The following EXOC4 variants were observed in gnomAD, a reference collection of about 807,000 sequenced individuals.
EXOC4 encodes SEC8-like 1.
In EXOC4, 71 loss-of-function variants were observed where a neutral mutation model predicts 107.2. That is an observed-to-expected ratio of 0.66 (90% CI 0.55 to 0.81). EXOC4 has a LOEUF of 0.81. Among genes scored for constraint, EXOC4 ranks in the 30% least tolerant of loss-of-function variants. The pLI is 0.00. For synonymous variants in EXOC4, 456 were observed against 441.2 expected, an observed-to-expected ratio of 1.03 and a Z score of -0.42; for missense variants, 1,108 against 1,189.6, an observed-to-expected ratio of 0.93 and a Z score of 1.01.
chr7:133,807,057 G>A (rs1797093606), intron 10 of EXOC4, among the ~76,000 whole-genome samples: 1 of 152,132 alleles, frequency 6.6e-6, no homozygotes, highest in African/African-American at 2.4e-5. Flanking sequence ...AGCATTCACA[G>A]CATGTGAAAT....
Position 134,065,461 on chromosome 7 carries a change from C to T in EXOC4, c.*933C>T, listed in dbSNP as rs1339101782. 1 of 152,260 alleles carries T rather than the reference C, an allele frequency of 6.6e-6. No individual in the cohort carries two copies. The highest frequency in any genetic ancestry group is 1.5e-5 in the Non-Finnish European group (1 of 68,114). The allele number at this position is 152,260 out of a possible 1,614,324, so 9.4% of individuals were successfully genotyped here. ...CTGTGCGGCCTCCAGCTGAGCCTGT[C>T]TCTGAATTGTTCCCTCCCCCGCAAT... On this transcript the variant is annotated 3_prime_UTR_variant, in exon 18 of 18. Coordinates refer to ENST00000253861, the MANE Select transcript of EXOC4 (RefSeq NM_021807.4).
At chr7:133,527,923 A>G (rs548116651) in intron 9 of EXOC4, among the ~76,000 whole-genome samples, 1 of 152,334 alleles carries the variant, frequency 6.6e-6, no homozygotes, top group South Asian at 2.1e-4. Flanking sequence ...ACTTGATCAG[A>G]CATCTTTGAA....
At position 133,275,107 on chromosome 7, in the gene EXOC4, C is replaced by T; in HGVS notation, c.212C>T (p.Thr71Ile). 6 of 1,613,658 alleles carry T rather than the reference C, an allele frequency of 3.7e-6. No individual in the cohort carries two copies. Among genetic ancestry groups the T allele is most frequent in the Non-Finnish European group, 5.1e-6 (6 of 1,179,698 alleles). The change falls in exon 2 of 18, where the codon ACA becomes ATA. Residue 71 changes from threonine (T) to isoleucine (I), a missense_variant. Physicochemically the swap from Thr to Ile is moderately conservative, Grantham distance 89. Coordinates refer to ENST00000253861, the MANE Select transcript of EXOC4 (RefSeq NM_021807.4). ...GTACAGCACTACACAGAATTGACGACAGCCATTCGCACATACCAGAGCATC... is the reference window on the plus strand; with the variant it reads ...GTACAGCACTACACAGAATTGACGATAGCCATTCGCACATACCAGAGCATC... ...LIVQHYTELT[T>I]AIRTYQSITE...
At chr7:133,606,404 A>G in intron 9 of EXOC4, among the ~76,000 whole-genome samples, 1 of 152,044 alleles carries the variant, frequency 6.6e-6, no homozygotes, top group East Asian at 1.9e-4. Context: ...TATATCCTGA[A>G]TATCTTCACT....
intron 10 of EXOC4, among the ~76,000 whole-genome samples, chr7:133,760,899 A>G (rs1189460481): frequency 6.6e-6 from 1 of 152,190 alleles, no homozygotes; most frequent in African/African-American, 2.4e-5. Flanking sequence ...ACAACATTCT[A>G]AGCAAATAAA....
chr7:133,967,466 G>C (rs1801098121), intron 14 of EXOC4, among the ~76,000 whole-genome samples: 2 of 152,168 alleles, frequency 1.3e-5, no homozygotes. Context: ...TGGACATGTA[G>C]TGCTACAAAT....
intron 11 of EXOC4, among the ~76,000 whole-genome samples, chr7:133,875,959 CA>C (rs2116418942): frequency 6.6e-6 from 1 of 152,238 alleles, no homozygotes; most frequent in South Asian, 2.1e-4. Context: ...GAGTTTCAGT[CA>C]TAACAGTATA....
At chr7:133,286,050 T>C (rs997720301) in intron 2 of EXOC4, among the ~76,000 whole-genome samples, 4 of 152,194 alleles carry the variant, frequency 2.6e-5, no homozygotes, top group Non-Finnish European at 4.4e-5. Context: ...GACACTGCAC[T>C]GAGCAGGCAG....
intron 13 of EXOC4, among the ~76,000 whole-genome samples, chr7:133,929,911 T>C (rs923358139): frequency 1.3e-5 from 2 of 152,108 alleles, no homozygotes; most frequent in Admixed American, 6.5e-5. Context: ...CCTCCTTGCT[T>C]TTGCCTGAGG....
intron 10 of EXOC4, among the ~76,000 whole-genome samples, chr7:133,684,061 T>C (rs1794242833): frequency 6.6e-6 from 1 of 152,196 alleles, no homozygotes; most frequent in Non-Finnish European, 1.5e-5. Context: ...TATTTATTGT[T>C]CTGCCATAGC....
chr7:133,736,607 A>G (rs373346566), intron 10 of EXOC4, among the ~76,000 whole-genome samples: 2 of 152,180 alleles, frequency 1.3e-5, no homozygotes, highest in East Asian at 1.9e-4. Context: ...AACATTCCCT[A>G]TGCCCATAAA....
At chr7:133,304,741 A>G (rs1272625514) in intron 3 of EXOC4, among the ~76,000 whole-genome samples, 1 of 152,196 alleles carries the variant, frequency 6.6e-6, no homozygotes, top group African/African-American at 2.4e-5. Context: ...TTTAGTGTAA[A>G]TGGTTCATTC....
intron 10 of EXOC4, among the ~76,000 whole-genome samples, chr7:133,737,658 G>A (rs1585113027): frequency 2.0e-5 from 3 of 152,012 alleles, no homozygotes; most frequent in Admixed American, 6.6e-5. Context: ...GACATCCTGC[G>A]ACCTTTGTGT....
intron 9 of EXOC4, among the ~76,000 whole-genome samples, chr7:133,564,639 G>A (rs1393410822): frequency 6.6e-6 from 1 of 152,114 alleles, no homozygotes; most frequent in Non-Finnish European, 1.5e-5. Context: ...ACCTCTTTTA[G>A]TGATCAATTT....
At chr7:133,455,518 G>A (rs1028987823) in intron 7 of EXOC4, among the ~76,000 whole-genome samples, 10 of 152,164 alleles carry the variant, frequency 6.6e-5, no homozygotes, top group African/African-American at 1.9e-4. Context: ...AAATGTCATG[G>A]TTGATATATG....
intron 9 of EXOC4, among the ~76,000 whole-genome samples, chr7:133,575,842 T>A (rs543375723): frequency 6.6e-6 from 1 of 152,300 alleles, no homozygotes; most frequent in East Asian, 1.9e-4. Flanking sequence ...CTTGGTCCCA[T>A]AAGGCCAGTC....
chr7:133,571,557 G>C (rs1801024121), intron 9 of EXOC4, among the ~76,000 whole-genome samples: 1 of 151,806 alleles, frequency 6.6e-6, no homozygotes, highest in Non-Finnish European at 1.5e-5. Flanking sequence ...GTAGTCCTAG[G>C]TACTTGGGAG....
At chr7:133,812,091 T>A (rs2550997) in intron 10 of EXOC4, among the ~76,000 whole-genome samples, 1 of 152,092 alleles carries the variant, frequency 6.6e-6, no homozygotes, top group East Asian at 1.9e-4. Context: ...TAACCTAATG[T>A]TCAGAATTGT....
At position 133,437,955 on chromosome 7, in the gene EXOC4, C is replaced by A. The variant is rs541689222; in HGVS notation, c.1183-37373C>A. 3.1e-4 allele frequency among the ~76,000 whole-genome samples: 47 copies of A among 152,268 alleles called. 2 individuals are homozygous for A. In the South Asian group the frequency reaches 5.8e-3, roughly 19 times the overall value. On this transcript the variant is annotated intron_variant, in intron 7 of 17. Transcript: ENST00000253861. ...TTAGCACCATTTTTCTTTTCCTAGT[C>A]TTTGTCCCGCTTTTTGGTAATTTTA... is the stretch of plus-strand genomic sequence containing the variant.
Sources: allele counts gnomAD v4.1 joint callset (sites outside exome capture counted in the v4.1 genomes callset), GRCh38; gene constraint gnomAD v4.1.1; transcripts MANE v1.5; gene names NCBI Gene and HGNC (gene_info 2026-07-23, HGNC 2026-07-21).